Variants in GRIA4 observed in about 807,000 individuals in gnomAD.
GRIA4 encodes the protein glutamate receptor 4.
GRIA4 carries 34 observed loss-of-function variants against 104.0 expected under a neutral mutation model. The observed-to-expected ratio is 0.33, with a 90% CI of 0.25 to 0.44. The LOEUF (loss-of-function observed/expected upper bound fraction) is 0.44. Ranked by LOEUF, GRIA4 falls within the 20% of genes least tolerant of loss-of-function variation. The pLI is 1.00. For missense variants in GRIA4, 750 were observed against 1,096.5 expected (o/e 0.68, Z 4.46); for synonymous variants, 386 against 381.9 (o/e 1.01, Z -0.13).
chr11:105,620,198 G>A (rs1325865346), intron 3 of GRIA4, among the ~76,000 whole-genome samples: 1 of 151,760 alleles, frequency 6.6e-6, no homozygotes, highest in Non-Finnish European at 1.5e-5. Context: ...ATAGTTTGCA[G>A]GATTTGACAT....
intron 6 of GRIA4, among the ~76,000 whole-genome samples, chr11:105,894,321 C>T (rs1019419879): frequency 7.2e-5 from 11 of 152,040 alleles, no homozygotes; most frequent in African/African-American, 2.4e-4. Flanking sequence ...TTAGCTCTAC[C>T]ATACATTTGC....
chr11:105,915,085 A>C (rs991867149), intron 10 of GRIA4, among the ~76,000 whole-genome samples: 1 of 152,194 alleles, frequency 6.6e-6, no homozygotes, highest in Non-Finnish European at 1.5e-5. Flanking sequence ...ATGAAAGGAA[A>C]GCAAAGCAAA....
chr11:105,937,187 C>A (rs190834846), intron 14 of GRIA4, among the ~76,000 whole-genome samples: 1 of 151,908 alleles, frequency 6.6e-6, no homozygotes, highest in African/African-American at 2.4e-5. Flanking sequence ...TATACAGTTT[C>A]GATGGCATTG....
At position 105,686,256 on chromosome 11, in the gene GRIA4, A is replaced by T. The variant is rs78899513; in HGVS notation, c.248-66725A>T. Among the ~76,000 whole-genome samples, 1,337 of 152,192 alleles carry T rather than the reference A, an allele frequency of 8.8e-3. 18 individuals are homozygous for T. Among genetic ancestry groups the T allele is most frequent in the Middle Eastern group, 0.054 (16 of 294 alleles). On this transcript the variant is annotated intron_variant, in intron 3 of 16. Transcript: ENST00000282499. ...CCTTCTCTAGTAGTCCTCAGTGTTT[A>T]CTGTTGCCATCTTTATTTTTCTGAG...
At chr11:105,889,226 C>T (rs1250662558) in intron 6 of GRIA4, among the ~76,000 whole-genome samples, 2 of 152,192 alleles carry the variant, frequency 1.3e-5, no homozygotes, top group East Asian at 1.9e-4. Context: ...CAAAGGATAT[C>T]GTAAACAGCC....
intron 4 of GRIA4, among the ~76,000 whole-genome samples, chr11:105,793,948 C>G (rs942436051): frequency 6.6e-6 from 1 of 152,106 alleles, no homozygotes; most frequent in African/African-American, 2.4e-5. Context: ...ATGGAGAGAA[C>G]TCTTCACAGA....
chr11:105,816,892 C>T (rs1365129916), intron 4 of GRIA4, among the ~76,000 whole-genome samples: 2 of 151,990 alleles, frequency 1.3e-5, no homozygotes, highest in African/African-American at 4.8e-5. Context: ...GGTGCATGCC[C>T]ATAGTCCTAG....
At chr11:105,864,318 C>G (rs1565298675) in intron 5 of GRIA4, among the ~76,000 whole-genome samples, 1 of 152,166 alleles carries the variant, frequency 6.6e-6, no homozygotes, top group African/African-American at 2.4e-5. Context: ...GGCTCTTCCA[C>G]AAGAGCTAAT....
chr11:105,902,623 C>A (rs1249024380), intron 7 of GRIA4, among the ~76,000 whole-genome samples: 1 of 152,138 alleles, frequency 6.6e-6, no homozygotes, highest in Non-Finnish European at 1.5e-5. Context: ...GTGTGAGCCA[C>A]CATGCCCAGC....
intron 3 of GRIA4, among the ~76,000 whole-genome samples, chr11:105,695,986 C>G (rs982927349): frequency 6.6e-6 from 1 of 152,188 alleles, no homozygotes; most frequent in African/African-American, 2.4e-5. Context: ...CAAACAAGCA[C>G]TTCAATGACA....
intron 3 of GRIA4, among the ~76,000 whole-genome samples, chr11:105,692,754 T>C (rs1838668): frequency 0.44 from 67,403 of 152,120 alleles, 15,060 homozygotes; most frequent in East Asian, 0.57. Flanking sequence ...TGATCTCATC[T>C]GTAACACATA....
chr11:105,932,006 C>T (rs1182038145), intron 13 of GRIA4, among the ~76,000 whole-genome samples: 1 of 150,866 alleles, frequency 6.6e-6, no homozygotes, highest in Non-Finnish European at 1.5e-5. Context: ...CTACTCAGCA[C>T]TGAGCCTCAC....
At position 105,798,615 on chromosome 11, in the gene GRIA4, C is replaced by T. The variant is rs116849343; in HGVS notation, c.487+45395C>T. Among the ~76,000 whole-genome samples the T allele has an allele frequency of 9.6e-3, 1,453 of 152,042 alleles. 16 individuals are homozygous for T. The highest frequency in any genetic ancestry group is 0.014 in the Non-Finnish European group (934 of 67,974). ...TGGGTGTGGACAGAGACACAGAGGC[C>T]GATTAGGAGACTGTGGCAATAATCT... On this transcript the variant is annotated intron_variant, in intron 4 of 16. Coordinates refer to ENST00000282499, the MANE Select transcript of GRIA4 (RefSeq NM_000829.4).
At chr11:105,760,723 C>A (rs1361654160) in intron 4 of GRIA4, among the ~76,000 whole-genome samples, 28 of 151,814 alleles carry the variant, frequency 1.8e-4, no homozygotes, top group Admixed American at 1.8e-3. Flanking sequence ...AAGGCCTATT[C>A]ATGTTTTTTT....
At chr11:105,752,873 T>C (rs112542685) in intron 3 of GRIA4, 108 bp from the exon 4 acceptor site, 2 of 985,942 alleles carry the variant, frequency 2.0e-6, no homozygotes, top group Non-Finnish European at 3.1e-6. Context: ...TCCTGACAGA[T>C]CCAATGATTC....
chr11:105,785,155 T>C (rs1026923963), intron 4 of GRIA4, among the ~76,000 whole-genome samples: 1 of 152,196 alleles, frequency 6.6e-6, no homozygotes, highest in African/African-American at 2.4e-5. Flanking sequence ...GTGCATACTA[T>C]ACGTTATTGG....
intron 4 of GRIA4, among the ~76,000 whole-genome samples, chr11:105,784,855 T>C (rs1046166842): frequency 3.9e-5 from 6 of 152,106 alleles, no homozygotes; most frequent in African/African-American, 1.4e-4. Context: ...AAGGTCAACA[T>C]CACTTATTGG....
intron 3 of GRIA4, among the ~76,000 whole-genome samples, chr11:105,745,283 T>C (rs1214526034): frequency 2.0e-5 from 3 of 152,172 alleles, no homozygotes; most frequent in Non-Finnish European, 4.4e-5. Context: ...CACTGTTTGT[T>C]TTTAAATCTT....
chr11:105,634,498 AAAG>A (rs879895796), intron 3 of GRIA4, among the ~76,000 whole-genome samples: 1,680 of 71,408 alleles, frequency 0.024, 19 homozygotes, highest in Middle Eastern at 0.049. Context: ...AGAAAGAAAG[AAAG>A]AAAGAAAGAA....
Sources: gnomAD v4.1 joint callset for allele counts (sites outside exome capture counted in the v4.1 genomes callset) on GRCh38, gnomAD v4.1.1 for gene constraint, MANE v1.5 for transcripts, NCBI Gene and HGNC (gene_info 2026-07-23, HGNC 2026-07-21) for gene names.